Variants in CHN2 observed in about 807,000 individuals in gnomAD.
CHN2 encodes the protein beta-chimaerin.
In CHN2, 35 loss-of-function variants were observed where a neutral mutation model predicts 56.3. The ratio of observed to expected loss-of-function variants is 0.62; its 90% CI spans 0.47 to 0.82. The LOEUF is 0.82. CHN2 is among the 40% of genes least tolerant of loss of function. The pLI, the probability that CHN2 is intolerant of heterozygous loss-of-function variation, is 0.00. For missense variants in CHN2, 491 were observed against 580.5 expected, an observed-to-expected ratio of 0.85 and a Z score of 1.58; for synonymous variants, 210 against 212.8, an observed-to-expected ratio of 0.99 and a Z score of 0.12.
chr7:29,401,570 G>C (rs1369673802), intron 6 of CHN2, among the ~76,000 whole-genome samples: 2 of 152,174 alleles, frequency 1.3e-5, no homozygotes, highest in African/African-American at 4.8e-5. Context: ...CCACAGGTCA[G>C]GTCTCTTGAA....
Position 29,465,493 on chromosome 7 carries a change from T to C in CHN2, c.577-14786T>C, listed in dbSNP as rs1785485819. ...TTTCATCCTCTGAGGAACCTGCTAT[T>C]ACAATACACATCTCACATTGAGGAA... is the stretch of plus-strand genomic sequence containing the variant. On this transcript the variant is annotated intron_variant, in intron 6 of 12. Coordinates refer to ENST00000222792, the MANE Select transcript of CHN2 (RefSeq NM_004067.4). Among the ~76,000 whole-genome samples, 5 of 152,322 alleles carry C rather than the reference T, an allele frequency of 3.3e-5. No individual in the cohort carries two copies. In the South Asian group the frequency reaches 1.0e-3, roughly 32 times the overall value.
At chr7:29,180,196 A>C (rs11974802) in intron 2 of CHN2, among the ~76,000 whole-genome samples, 21,364 of 152,214 alleles carry the variant, frequency 0.14, 2,034 homozygotes, top group East Asian at 0.44. Context: ...TTGTGAATCA[A>C]ATTTAGAATA....
At chr7:29,362,126 A>G (rs1208905057) in intron 2 of CHN2, among the ~76,000 whole-genome samples, 2 of 152,168 alleles carry the variant, frequency 1.3e-5, no homozygotes, top group Non-Finnish European at 2.9e-5. Flanking sequence ...AATCTGTATT[A>G]TTTTATAACT....
intron 1 of CHN2, among the ~76,000 whole-genome samples, chr7:29,301,358 C>G (rs1048119476): frequency 6.7e-6 from 1 of 149,742 alleles, no homozygotes; most frequent in South Asian, 2.1e-4. Flanking sequence ...CACACACACA[C>G]ACACACACAC....
At chr7:29,262,597 G>T (rs60358392) in intron 1 of CHN2, among the ~76,000 whole-genome samples, 4,205 of 152,154 alleles carry the variant, frequency 0.028, 206 homozygotes, top group African/African-American at 0.095. Context: ...TTAACTAATT[G>T]TTTCTCTTAC....
intron 1 of CHN2, among the ~76,000 whole-genome samples, chr7:29,353,740 T>C (rs979720757): frequency 4.0e-5 from 6 of 151,756 alleles, no homozygotes; most frequent in Non-Finnish European, 7.4e-5. Flanking sequence ...GAGAACAGAG[T>C]TTCCATATCT....
At chr7:29,175,099 A>G (rs921539770) in intron 2 of CHN2, among the ~76,000 whole-genome samples, 32 of 152,056 alleles carry the variant, frequency 2.1e-4, no homozygotes, top group South Asian at 1.9e-3. Context: ...AGATGATTCA[A>G]TCTTTGGAGT....
At chr7:29,246,417 C>T (rs1195766478) in intron 1 of CHN2, among the ~76,000 whole-genome samples, 1 of 152,148 alleles carries the variant, frequency 6.6e-6, no homozygotes, top group South Asian at 2.1e-4. Flanking sequence ...AGAACTTCTT[C>T]CCTCCTTGTT....
chr7:29,321,769 C>T (rs767756707), intron 1 of CHN2, among the ~76,000 whole-genome samples: 2 of 151,902 alleles, frequency 1.3e-5, no homozygotes, highest in Non-Finnish European at 2.9e-5. Context: ...GGGGTTTCTC[C>T]ATGTTGGTCA....
At chr7:29,333,844 A>G (rs1796401124) in intron 1 of CHN2, among the ~76,000 whole-genome samples, 1 of 152,140 alleles carries the variant, frequency 6.6e-6, no homozygotes, top group Non-Finnish European at 1.5e-5. Flanking sequence ...GTAATGGCCG[A>G]GAGTCAGGGA....
chr7:29,153,462 T>G (rs1793894400), intron 2 of CHN2, among the ~76,000 whole-genome samples: 1 of 152,204 alleles, frequency 6.6e-6, no homozygotes, highest in Non-Finnish European at 1.5e-5. Context: ...ACCCCTCTTC[T>G]TCCTTCTTCT....
chr7:29,361,369 T>A (rs1181636039), intron 2 of CHN2, among the ~76,000 whole-genome samples: 1 of 152,162 alleles, frequency 6.6e-6, no homozygotes, highest in Non-Finnish European at 1.5e-5. Context: ...GGTAATTGAT[T>A]GTCATCTCAT....
At chr7:29,216,807 A>G (rs2128787011) in intron 1 of CHN2, among the ~76,000 whole-genome samples, 1 of 152,376 alleles carries the variant, frequency 6.6e-6, no homozygotes, top group South Asian at 2.1e-4. Context: ...CGAAGGGGAA[A>G]TTAACCGGCT....
At chr7:29,267,050 T>C (rs781376307) in intron 1 of CHN2, among the ~76,000 whole-genome samples, 1 of 152,102 alleles carries the variant, frequency 6.6e-6, no homozygotes, top group Non-Finnish European at 1.5e-5. Flanking sequence ...CTTTTTTACC[T>C]GTCTCAAGCC....
rs1326684372 is a variant in CHN2, at chr7:29,358,326, A to T, written c.88+3663A>T. Among the ~76,000 whole-genome samples the T allele has an allele frequency of 2.0e-5, 3 of 152,146 alleles. No individual in the cohort carries two copies. In the East Asian group the frequency reaches 5.8e-4, roughly 29 times the overall value. On this transcript the variant is annotated intron_variant, in intron 2 of 12. Transcript: ENST00000222792. ...GGTGGGAGCATCACTTGAGCCCAGG[A>T]GTTTGAGGCTGTAGGGAGCTACGAT... is the stretch of plus-strand genomic sequence containing the variant.
chr7:29,463,140 G>T (rs6973713), intron 6 of CHN2, among the ~76,000 whole-genome samples: 43,634 of 151,624 alleles, frequency 0.29, 6,412 homozygotes, highest in East Asian at 0.35. Flanking sequence ...TTAATACCTA[G>T]CATTTCTTTT....
intron 6 of CHN2, among the ~76,000 whole-genome samples, chr7:29,406,891 C>T (rs534183557): frequency 5.7e-4 from 87 of 152,296 alleles, no homozygotes; most frequent in Non-Finnish European, 1.1e-3. Context: ...CTAATTCTAA[C>T]GCCCTCCACC....
At chr7:29,423,578 G>C (rs766865935) in intron 6 of CHN2, among the ~76,000 whole-genome samples, 1 of 152,228 alleles carries the variant, frequency 6.6e-6, no homozygotes, top group East Asian at 1.9e-4. Flanking sequence ...GGCCAGCAAC[G>C]GTTCTCCAGG....
chr7:29,153,465 C>T (rs560949421), intron 2 of CHN2, among the ~76,000 whole-genome samples: 14 of 152,334 alleles, frequency 9.2e-5, no homozygotes, highest in Middle Eastern at 3.4e-3. Context: ...CCTCTTCTTC[C>T]TTCTTCTCCT....
Sources: gnomAD v4.1 joint callset for allele counts (sites outside exome capture counted in the v4.1 genomes callset) on GRCh38, gnomAD v4.1.1 for gene constraint, MANE v1.5 for transcripts, NCBI Gene and HGNC (gene_info 2026-07-23, HGNC 2026-07-21) for gene names.